Variants in PCDH15 observed in about 807,000 individuals in gnomAD.
PCDH15 encodes the protein protocadherin related 15.
In PCDH15, 129 loss-of-function variants were observed where a neutral mutation model predicts 178.5. The observed-to-expected ratio is 0.72, with a 90% CI of 0.63 to 0.84. The LOEUF (loss-of-function observed/expected upper bound fraction) is 0.84. Ranked by LOEUF, PCDH15 falls within the 40% of genes least tolerant of loss-of-function variation. The pLI is 0.00. For synonymous variants in PCDH15, 800 were observed against 732.0 expected, an observed-to-expected ratio of 1.09 and a Z score of -1.50; for missense variants, 2,230 against 2,099.9, an observed-to-expected ratio of 1.06 and a Z score of -1.21.
chr10:53,858,678 G>T (rs1251034685), intron 27 of PCDH15, among the ~76,000 whole-genome samples: 1 of 152,102 alleles, frequency 6.6e-6, no homozygotes, highest in Non-Finnish European at 1.5e-5. Context: ...AGCAGTTTAT[G>T]CTGGCAGTTC....
At position 54,807,976 on chromosome 10, in the gene PCDH15, T is replaced by A. The variant is rs527598733; in HGVS notation, c.-29+89474A>T. 8.6e-5 allele frequency among the ~76,000 whole-genome samples: 13 copies of A among 151,850 alleles called. No individual in the cohort carries two copies. The South Asian group carries it at 2.7e-3, about 31-fold the overall frequency. Reference sequence around the variant, plus strand: ...GTTATTTCTAATTACAACATTAAAATTTTAAAATTTATATAAATTTTATAG... The same window carrying A: ...GTTATTTCTAATTACAACATTAAAAATTTAAAATTTATATAAATTTTATAG... On this transcript the variant is annotated intron_variant, in intron 3 of 5. Transcript: ENST00000458638.
At chr10:54,773,195 G>C (rs1949297408) in intron 1 of PCDH15, among the ~76,000 whole-genome samples, 1 of 152,036 alleles carries the variant, frequency 6.6e-6, no homozygotes, top group Non-Finnish European at 1.5e-5. Context: ...AACCACCATG[G>C]CACACATTTA....
intron 31 of PCDH15, among the ~76,000 whole-genome samples, chr10:53,828,203 G>A (rs1177022799): frequency 4.9e-5 from 1 of 20,616 alleles, no homozygotes; most frequent in African/African-American, 2.3e-4. Flanking sequence ...CAAAAAGTCC[G>A]TCTCAAAAAA....
intron 2 of PCDH15, among the ~76,000 whole-genome samples, chr10:55,413,694 A>G (rs1838402481): frequency 6.6e-6 from 1 of 151,790 alleles, no homozygotes; most frequent in Non-Finnish European, 1.5e-5. Flanking sequence ...TGATATACAA[A>G]GCATTTTTCA....
intron 2 of PCDH15, among the ~76,000 whole-genome samples, chr10:55,613,270 C>T (rs541510266): frequency 1.3e-5 from 2 of 152,056 alleles, no homozygotes; most frequent in African/African-American, 2.4e-5. Context: ...TTGAAGGGAA[C>T]TGGTGACACT....
At chr10:54,213,293 T>G (rs2134100682) in intron 10 of PCDH15, among the ~76,000 whole-genome samples, 1 of 152,262 alleles carries the variant, frequency 6.6e-6, no homozygotes, top group South Asian at 2.1e-4. Flanking sequence ...CGAAATTAAT[T>G]AGAAGAATAT....
At chr10:55,200,033 T>C (rs960311279) in intron 1 of PCDH15, among the ~76,000 whole-genome samples, 1 of 152,026 alleles carries the variant, frequency 6.6e-6, no homozygotes, top group African/African-American at 2.4e-5. Context: ...GGGGTTCGTG[T>C]CTCTACACAT....
At chr10:54,912,040 C>T (rs1954828113) in intron 2 of PCDH15, among the ~76,000 whole-genome samples, 1 of 151,900 alleles carries the variant, frequency 6.6e-6, no homozygotes, top group Non-Finnish European at 1.5e-5. Context: ...GGAGAAATGA[C>T]ATGATTTATG....
chr10:55,202,078 G>A (rs188171095), intron 1 of PCDH15, among the ~76,000 whole-genome samples: 4 of 152,186 alleles, frequency 2.6e-5, no homozygotes, highest in African/African-American at 9.6e-5. Flanking sequence ...AGATAATGCT[G>A]AGAGACTAGT....
intron 10 of PCDH15, among the ~76,000 whole-genome samples, chr10:54,203,207 A>G (rs944048235): frequency 2.6e-5 from 4 of 152,180 alleles, no homozygotes; most frequent in Admixed American, 2.0e-4. Flanking sequence ...TAGGTTCAAC[A>G]CCACTAAAAT....
chr10:54,703,865 C>T (rs560528874), intron 1 of PCDH15, among the ~76,000 whole-genome samples: 1 of 152,080 alleles, frequency 6.6e-6, no homozygotes, highest in East Asian at 1.9e-4. Flanking sequence ...CAGTGTAAGG[C>T]TGCAATAACC....
intron 2 of PCDH15, among the ~76,000 whole-genome samples, chr10:55,377,687 C>A (rs894269072): frequency 6.6e-6 from 1 of 151,998 alleles, no homozygotes; most frequent in African/African-American, 2.4e-5. Context: ...TAACCTTTTA[C>A]CACTATATAT....
At chr10:54,231,739 G>A (rs2054098445) in intron 9 of PCDH15, among the ~76,000 whole-genome samples, 1 of 152,238 alleles carries the variant, frequency 6.6e-6, no homozygotes, top group Admixed American at 6.5e-5. Context: ...GCCTGGATAT[G>A]AGACATGAAG....
At chr10:54,415,783 CA>C (rs1484728991) in intron 3 of PCDH15, among the ~76,000 whole-genome samples, 1 of 43,562 alleles carries the variant, frequency 2.3e-5, no homozygotes, top group Non-Finnish European at 6.8e-5. Context: ...TTGACATAAA[CA>C]AAAATGACAA....
intron 23 of PCDH15, among the ~76,000 whole-genome samples, chr10:53,954,620 C>T (rs976359609): frequency 1.3e-5 from 2 of 152,184 alleles, no homozygotes; most frequent in Non-Finnish European, 2.9e-5. Context: ...TGCAACTTCT[C>T]AGAAAACTGG....
chr10:54,333,743 T>A (rs1940394088), intron 6 of PCDH15, among the ~76,000 whole-genome samples: 1 of 152,158 alleles, frequency 6.6e-6, no homozygotes, highest in African/African-American at 2.4e-5. Flanking sequence ...TACCCAAAAT[T>A]CCCGAAATTC....
chr10:54,768,837 C>G, intron 1 of PCDH15, among the ~76,000 whole-genome samples: 1 of 151,974 alleles, frequency 6.6e-6, no homozygotes, highest in East Asian at 1.9e-4. Context: ...GTAAAGTGAT[C>G]TGCATTAGCA....
At chr10:54,262,593 C>T (rs777861590) in intron 8 of PCDH15, among the ~76,000 whole-genome samples, 8 of 152,126 alleles carry the variant, frequency 5.3e-5, no homozygotes, top group Non-Finnish European at 8.8e-5. Context: ...AGCCCAGTCC[C>T]AACTCCCCAA....
intron 15 of PCDH15, among the ~76,000 whole-genome samples, chr10:54,092,819 C>T (rs2094622966): frequency 6.6e-6 from 1 of 152,030 alleles, no homozygotes; most frequent in Non-Finnish European, 1.5e-5. Flanking sequence ...TGTTGTTTTT[C>T]TCTCGGTCAA....
Sources: gnomAD v4.1 joint callset for allele counts (sites outside exome capture counted in the v4.1 genomes callset) on GRCh38, gnomAD v4.1.1 for gene constraint, MANE v1.5 for transcripts, NCBI Gene and HGNC (gene_info 2026-07-23, HGNC 2026-07-21) for gene names.